Variants in SLC19A3 observed in about 807,000 individuals in gnomAD.
SLC19A3 encodes solute carrier family 19 member 3, also known as thiamine transporter 2.
A neutral mutation model predicts 40.2 loss-of-function variants in SLC19A3; 31 were observed. The ratio of observed to expected loss-of-function variants is 0.77; its 90% CI spans 0.58 to 1.04. The LOEUF is 1.04. Ranked by LOEUF, SLC19A3 falls within the 50% of genes least tolerant of loss-of-function variation. The probability of loss-of-function intolerance (pLI) is 0.00; values close to 1 mark genes in which losing one functional copy is unlikely to be tolerated. For synonymous variants in SLC19A3, 212 were observed against 227.5 expected, an observed-to-expected ratio of 0.93 and a Z score of 0.61; for missense variants, 592 against 596.7, an observed-to-expected ratio of 0.99 and a Z score of 0.08.
chr2:227,697,587 C>T (rs189471583), intron 3 of SLC19A3, among the ~76,000 whole-genome samples: 111 of 152,094 alleles, frequency 7.3e-4, no homozygotes, highest in Non-Finnish European at 1.2e-3. Flanking sequence ...TTAACAAAAC[C>T]CTCAGTGAGA....
intron 1 of SLC19A3, among the ~76,000 whole-genome samples, chr2:227,716,184 C>T (rs1042845211): frequency 8.5e-5 from 13 of 152,140 alleles, no homozygotes; most frequent in African/African-American, 2.9e-4. Flanking sequence ...TAATTATTGT[C>T]TATAGACATG....
intron 1 of SLC19A3, among the ~76,000 whole-genome samples, chr2:227,713,401 TA>T (rs56014411): frequency 0.33 from 36,875 of 110,172 alleles, 6,600 homozygotes; most frequent in East Asian, 0.79. Context: ...GACCCTGTTG[TA>T]AAAAAAAAAA....
chr2:227,698,760 C>G lies in SLC19A3; in HGVS notation c.955G>C (p.Val319Leu). Residue 319 changes from valine to leucine, a missense_variant, in exon 3 of 6, where the codon GTA becomes CTA. Coordinates refer to ENST00000644224, the MANE Select transcript of SLC19A3 (RefSeq NM_025243.4). Reference sequence around the variant, plus strand: ...CCTCCAAAGGTTGCAATAGCTTCTACGGCCCCATTATAGATGGAAGAATCT... The same window carrying G: ...CCTCCAAAGGTTGCAATAGCTTCTAGGGCCCCATTATAGATGGAAGAATCT... ...SQDSSIYNGA[V>L]EAIATFGGAV... 1 of 1,613,814 alleles carries G rather than the reference C, an allele frequency of 6.2e-7. No homozygotes were observed. Among genetic ancestry groups the G allele is most frequent in the Admixed American group, 1.7e-5 (1 of 60,018 alleles).
At position 227,700,808 on chromosome 2, in the gene SLC19A3, T is replaced by A. The variant is rs1408761054; in HGVS notation, c.151-1244A>T. ...AATATGGATCATCTCACAGATTTAG[T>A]CAGAAATGCATGGGATCTCAATTTT... On this transcript the variant is annotated intron_variant, in intron 2 of 5. Transcript: ENST00000644224. The A allele has an allele frequency of 1.2e-5, 8 of 683,354 alleles. No homozygotes were observed. The East Asian group carries it at 5.3e-4, about 46-fold the overall frequency. 42.3% of individuals were successfully genotyped at this position (683,354 alleles called of 1,614,324 possible). A position where few individuals can be genotyped will look rare whatever the true frequency, so the allele number is the denominator to read the frequency against.
At chr2:227,698,528 T>C (rs1303940264) in intron 3 of SLC19A3, among the ~76,000 whole-genome samples, 4 of 152,104 alleles carry the variant, frequency 2.6e-5, no homozygotes, top group African/African-American at 9.7e-5. Context: ...CTCGACCTCC[T>C]GAAATCGTGA....
chr2:227,686,135 T>G lies in SLC19A3; in HGVS notation c.*1262A>C, dbSNP rs1405449382. ...TGGCTTGAACTCAGGAGGTGAAGTT[T>G]GCAGTGAGCCAAGATCACGCCATTG... On this transcript the variant is annotated 3_prime_UTR_variant, in exon 6 of 6. Transcript: ENST00000644224. 4 of 449,176 alleles carry G rather than the reference T, an allele frequency of 8.9e-6. No individual in the cohort carries two copies. The East Asian group carries it at 3.0e-4, about 33-fold the overall frequency. The allele number at this position is 449,176 out of a possible 1,614,324, so 27.8% of individuals were successfully genotyped here. A position where few individuals can be genotyped will look rare whatever the true frequency, so the allele number is the denominator to read the frequency against.
Position 227,686,347 on chromosome 2 carries a change from CT to C in SLC19A3, c.*1049del. On this transcript the variant is annotated 3_prime_UTR_variant, in exon 6 of 6. Coordinates refer to ENST00000644224, the MANE Select transcript of SLC19A3 (RefSeq NM_025243.4). ...TTTTTGGGAGGAGGGGGATGAGAGTCTTACTCTGTTGCCCAGGCTGGAGTGC... is the reference window on the plus strand; with the variant it reads ...TTTTTGGGAGGAGGGGGATGAGAGTCTACTCTGTTGCCCAGGCTGGAGTGC... 1 of 266,326 alleles carries C rather than the reference CT, an allele frequency of 3.8e-6. No homozygotes were observed. The highest frequency in any genetic ancestry group is 7.6e-6 in the Non-Finnish European group (1 of 131,418). 16.5% of individuals were successfully genotyped at this position (266,326 alleles called of 1,614,324 possible). A position where few individuals can be genotyped will look rare whatever the true frequency, so the allele number is the denominator to read the frequency against.
At chr2:227,700,173 G>A (rs768327844) in intron 2 of SLC19A3, among the ~76,000 whole-genome samples, 1 of 151,700 alleles carries the variant, frequency 6.6e-6, no homozygotes, top group Non-Finnish European at 1.5e-5. Context: ...CACCGTGCCC[G>A]GCCCAAGATT....
In SLC19A3 at chr2:227,699,651, T is replaced by A; in HGVS notation, c.151-87A>T. On this transcript the variant is annotated intron_variant, in intron 2 of 5. Coordinates refer to ENST00000644224, the MANE Select transcript of SLC19A3 (RefSeq NM_025243.4). ...TTGTATCTCAAATTCTGCCTCCAAT[T>A]GGAAATTATTCGCATTACGGAGAAA... The A allele has an allele frequency of 4.5e-6, 5 of 1,107,782 alleles. No individual in the cohort carries two copies. The South Asian group carries it at 6.2e-5, about 14-fold the overall frequency. The allele number at this position is 1,107,782 out of a possible 1,614,324, so 68.6% of individuals were successfully genotyped here.
Position 227,687,395 on chromosome 2 carries a change from G to T in SLC19A3, c.*2C>A. 2 of 1,605,760 alleles carry T rather than the reference G, an allele frequency of 1.2e-6. No individual in the cohort carries two copies. ...GCCACTGTTGCGTTTGTTGCGATGA[G>T]GTTAGAGTTTTGTTGACATGATGAT... On this transcript the variant is annotated 3_prime_UTR_variant, in exon 6 of 6. Coordinates refer to ENST00000644224, the MANE Select transcript of SLC19A3 (RefSeq NM_025243.4).
chr2:227,714,971 C>T (rs1348003117), intron 1 of SLC19A3, among the ~76,000 whole-genome samples: 1 of 147,868 alleles, frequency 6.8e-6, no homozygotes, highest in African/African-American at 2.4e-5. Context: ...AGGCACCCGC[C>T]ACCAGGCCTG....
rs1017517509 is a variant in SLC19A3, at chr2:227,717,967, C to T, written c.-27G>A. ...CCTACAGAAGGGAGTGTCTGTTCACCAAATCGCTCACTTGCCGCACGACCA... is the reference window on the plus strand; with the variant it reads ...CCTACAGAAGGGAGTGTCTGTTCACTAAATCGCTCACTTGCCGCACGACCA... On this transcript the variant is annotated 5_prime_UTR_variant, in exon 1 of 6. Coordinates refer to ENST00000644224, the MANE Select transcript of SLC19A3 (RefSeq NM_025243.4). 14 of 985,406 alleles carry T rather than the reference C, an allele frequency of 1.4e-5. No individual in the cohort carries two copies. In the African/African-American group the frequency reaches 2.1e-4, roughly 15 times the overall value. 61.0% of individuals were successfully genotyped at this position (985,406 alleles called of 1,614,324 possible). A position where few individuals can be genotyped will look rare whatever the true frequency, so the allele number is the denominator to read the frequency against.
At position 227,686,203 on chromosome 2, in the gene SLC19A3, A is replaced by G. The variant is rs1373774791; in HGVS notation, c.*1194T>C. 2 of 423,072 alleles carry G rather than the reference A, an allele frequency of 4.7e-6. No individual in the cohort carries two copies. The highest frequency in any genetic ancestry group is 3.4e-5 in the South Asian group (2 of 58,102). The allele number at this position is 423,072 out of a possible 1,614,324, so 26.2% of individuals were successfully genotyped here. ...GAGAGCGAGACTGTCTCAAAAACCA[A>G]AACAAAACAAAATCAGGTGTTTTAT... On this transcript the variant is annotated 3_prime_UTR_variant, in exon 6 of 6. Transcript: ENST00000644224.
At chr2:227,702,699 G>A (rs1385921814) in intron 1 of SLC19A3, 1 of 208,766 alleles carries the variant, frequency 4.8e-6, no homozygotes, top group Non-Finnish European at 9.8e-6. Flanking sequence ...TCACTGCACA[G>A]AAGAAACAAA....
chr2:227,714,496 GC>G (rs1474378486), intron 1 of SLC19A3: 1 of 984,996 alleles, frequency 1.0e-6, no homozygotes, highest in Non-Finnish European at 1.2e-6. Context: ...AACCAAGCTG[GC>G]TTCCTGCCTT....
rs190210494 is a variant in SLC19A3 at position 227,713,355 on chromosome 2, T to C, written c.-3+4588A>G. 2.7e-5 allele frequency among the ~76,000 whole-genome samples: 4 copies of C among 147,356 alleles called. No homozygotes were observed. In the Admixed American group the frequency reaches 2.8e-4, roughly 10 times the overall value. On this transcript the variant is annotated intron_variant, in intron 1 of 5. Transcript: ENST00000644224. The stretch of plus-strand genomic sequence containing the variant: ...ATATCAAGGCTGCAGTGAGCCATGA[T>C]TGCACCATTGCATTCCAGGTTGGGC...
rs191011556 is a variant in SLC19A3, at chr2:227,699,670, G to A, written c.151-106C>T. On this transcript the variant is annotated intron_variant, in intron 2 of 5. Transcript: ENST00000644224. ...TCCAATTGGAAATTATTCGCATTAC[G>A]GAGAAACATAATGAGAAAACTGATT... 61 of 945,336 alleles carry A rather than the reference G, an allele frequency of 6.5e-5. No homozygotes were observed. In the East Asian group the frequency reaches 8.0e-4, roughly 12 times the overall value. The allele number at this position is 945,336 out of a possible 1,614,324, so 58.6% of individuals were successfully genotyped here. A position where few individuals can be genotyped will look rare whatever the true frequency, so the allele number is the denominator to read the frequency against.
In SLC19A3 at chr2:227,699,197, T is replaced by C. The variant is rs1279277694; in HGVS notation, c.518A>G (p.Asn173Ser). 2.5e-6 allele frequency: 4 copies of C among 1,613,798 alleles called. No individual in the cohort carries two copies. Among genetic ancestry groups the C allele is most frequent in the African/African-American group, 1.3e-5 (1 of 74,836 alleles). Residue 173 changes from asparagine to serine, a missense_variant, in exon 3 of 6, where the codon AAC becomes AGC. By Grantham distance (46) the Asn-to-Ser change is conservative (BLOSUM62 1). Coordinates refer to ENST00000644224, the MANE Select transcript of SLC19A3 (RefSeq NM_025243.4). ...SLANMSYFYL[N>S]VISLASVSVA... ...GGAGACAGAGGCCAAGGATATGACG[T>C]TGAGGTAAAAGTACGACATGTTCGC... is the stretch of plus-strand genomic sequence containing the variant.
intron 4 of SLC19A3, among the ~76,000 whole-genome samples, chr2:227,692,669 T>C (rs576888561): frequency 1.3e-5 from 2 of 152,316 alleles, no homozygotes. Flanking sequence ...CTTTTACCAC[T>C]GCTATTCAAC....
Sources: allele counts gnomAD v4.1 joint callset (sites outside exome capture counted in the v4.1 genomes callset), GRCh38; gene constraint gnomAD v4.1.1; transcripts MANE v1.5; gene names NCBI Gene and HGNC (gene_info 2026-07-23, HGNC 2026-07-21).